PRF1: variants seen among roughly 807,000 people sequenced by gnomAD.
PRF1 encodes the protein perforin 1.
A neutral mutation model predicts 11.7 loss-of-function variants in PRF1; 11 were observed. The observed-to-expected ratio is 0.94, with a 90% confidence interval of 0.59 to 1.56. The LOEUF (loss-of-function observed/expected upper bound fraction) is 1.56. Ranked by LOEUF, PRF1 falls within the 40% of genes most tolerant of loss-of-function variation. The pLI, the probability that PRF1 is intolerant of heterozygous loss-of-function variation, is 0.00. For missense variants in PRF1, 729 were observed against 751.0 expected (o/e 0.97, Z 0.34); for synonymous variants, 314 against 327.8 (o/e 0.96, Z 0.45).
Position 70,600,553 on chromosome 10 carries a change from A to G in PRF1, c.350T>C (p.Val117Ala). ...GATGCTACGAGCCGCATCCCGGGCC[A>G]CAGCTTCAGTGGAGCTGACTTTGGC... is the stretch of plus-strand genomic sequence containing the variant. ...TRAKVSSTEAVARDAARSIRN... is the reference protein window; with the variant it reads ...TRAKVSSTEAAARDAARSIRN... The change falls in exon 2 of 3, where the codon GTG becomes GCG. Residue 117 changes from valine to alanine, a missense_variant. Transcript: ENST00000441259. The surrounding 1 kb of genome is among the most constrained non-coding windows in gnomAD (Gnocchi z 4.9). 6.2e-7 allele frequency: 1 copy of G among 1,614,120 alleles called. No individual in the cohort carries two copies. The highest frequency in any genetic ancestry group is 8.5e-7 in the Non-Finnish European group (1 of 1,180,010).
At position 70,597,980 on chromosome 10, in the gene PRF1, G is replaced by C. The variant is rs1017079363; in HGVS notation, c.*73C>G. 1.3e-6 allele frequency: 2 copies of C among 1,581,282 alleles called. No homozygotes were observed. Among genetic ancestry groups the C allele is most frequent in the Middle Eastern group, 2.1e-4 (1 of 4,814 alleles). ...GACAAGCTTGGTCTAATGGGAATAC[G>C]AAGACAGCCCTGGCTCCCACTGTGA... On this transcript the variant is annotated 3_prime_UTR_variant, in exon 3 of 3. Transcript: ENST00000441259.
rs142643493 is a variant in PRF1 at position 70,598,794 on chromosome 10, G to A, written c.927C>T (p.Thr309=). The change falls in exon 3 of 3, where the codon ACC becomes ACT. Residue 309 remains threonine, a synonymous_variant. Transcript: ENST00000441259. The part of the protein sequence containing the change: ...RHSEVVGGHH[T]SINDLLFGIQ... ...TCCCGAACAGCAGGTCGTTAATGGAGGTGTGATGGCCGCCAACCACTTCCG... is the reference window on the plus strand; with the variant it reads ...TCCCGAACAGCAGGTCGTTAATGGAAGTGTGATGGCCGCCAACCACTTCCG... The A allele has an allele frequency of 1.1e-5, 17 of 1,614,140 alleles. No homozygotes were observed. The highest frequency in any genetic ancestry group is 1.4e-5 in the Non-Finnish European group (16 of 1,180,050).
At position 70,600,235 on chromosome 10, in the gene PRF1, G is replaced by C; in HGVS notation, c.539+129C>G. The C allele has an allele frequency of 6.7e-7, 1 of 1,490,540 alleles. No homozygotes were observed. The highest frequency in any genetic ancestry group is 8.9e-7 in the Non-Finnish European group (1 of 1,117,532). 92.3% of individuals were successfully genotyped at this position (1,490,540 alleles called of 1,614,324 possible). A position where few individuals can be genotyped will look rare whatever the true frequency, so the allele number is the denominator to read the frequency against. ...GAATCACCTGAAGTCTGAGAGCCAG[G>C]ATTGCAGTTTCTTCCTGGTGGAAGC... On this transcript the variant is annotated intron_variant, in intron 2 of 2. Coordinates refer to ENST00000441259, the MANE Select transcript of PRF1 (RefSeq NM_001083116.3). This position sits in a 1 kb window ranked among gnomAD's most constrained non-coding sequence, Gnocchi z 4.9.
chr10:70,599,244 C>G (rs1191698644), intron 2 of PRF1, 63 bp from the exon 3 acceptor site: 2 of 1,589,152 alleles, frequency 1.3e-6, no homozygotes, highest in East Asian at 2.3e-5. Context: ...AATCAAATAA[C>G]TCCTTCAGGA....
Position 70,598,199 on chromosome 10 carries a change from C to T in PRF1, c.1522G>A (p.Val508Met). 1 of 1,614,218 alleles carries T rather than the reference C, an allele frequency of 6.2e-7. No homozygotes were observed. Among genetic ancestry groups the T allele is most frequent in the Non-Finnish European group, 8.5e-7 (1 of 1,180,048 alleles). Reference protein sequence around the residue: ...DQAPKSGSHEVRCNLNHGHLK... With the variant: ...DQAPKSGSHEMRCNLNHGHLK... ...TGGCCATGATTCAGGTTGCATCTCA[C>T]CTCATGGGAACCAGACTTGGGAGCC... The change falls in exon 3 of 3, where the codon GTG becomes ATG. Residue 508 changes from valine (V) to methionine (M), a missense_variant. Physicochemically the swap from Val to Met is conservative, Grantham distance 21. Transcript: ENST00000441259.
In PRF1 at chr10:70,598,091, C is replaced by T; in HGVS notation, c.1630G>A (p.Gly544Arg). Residue 544 changes from glycine to arginine, a missense_variant, in exon 3 of 3, where the codon GGG becomes AGG. Coordinates refer to ENST00000441259, the MANE Select transcript of PRF1 (RefSeq NM_001083116.3). ...CCACTCCGGTTTCCTGGAGGCTCCC[C>T]CAGAAGCATTTGGGGGACATAGTCC... Reference protein sequence around the residue: ...CLDYVPQMLLGEPPGNRSGAV... With the variant: ...CLDYVPQMLLREPPGNRSGAV... The T allele has an allele frequency of 1.2e-6, 2 of 1,614,012 alleles. No homozygotes were observed. The highest frequency in any genetic ancestry group is 1.7e-6 in the Non-Finnish European group (2 of 1,180,024).
intron 2 of PRF1, among the ~76,000 whole-genome samples, chr10:70,599,741 G>A (rs1030594357): frequency 1.3e-4 from 20 of 152,298 alleles, no homozygotes; most frequent in Admixed American, 2.0e-4. Flanking sequence ...GGCCATGCTC[G>A]GCCTCTCTGT....
At chr10:70,601,835 A>AC in intron 1 of PRF1, among the ~76,000 whole-genome samples, 2 of 150,266 alleles carry the variant, frequency 1.3e-5, no homozygotes, top group South Asian at 2.1e-4. Context: ...CCTCAAAAAA[A>AC]AAAAAAAAAA....
At chr10:70,599,734 C>A (rs965117772) in intron 2 of PRF1, among the ~76,000 whole-genome samples, 2 of 152,230 alleles carry the variant, frequency 1.3e-5, no homozygotes, top group African/African-American at 2.4e-5. Flanking sequence ...CAGCTTGGGC[C>A]ATGCTCGGCC....
rs755693770 is a variant in PRF1 at position 70,598,269 on chromosome 10, AT to A, written c.1451del (p.Asp484ValfsTer25). 8 of 1,614,202 alleles carry A rather than the reference AT, an allele frequency of 5.0e-6. No individual in the cohort carries two copies. The highest frequency in any genetic ancestry group is 6.8e-6 in the Non-Finnish European group (8 of 1,180,032). Reference sequence around the variant, plus strand: ...GGTCATCGTCCCTGCCAGAGTCCTGATCCCAGACCTGCAACCTCAGGGGCCC... The same window carrying A: ...GGTCATCGTCCCTGCCAGAGTCCTGACCCAGACCTGCAACCTCAGGGGCCC... ...TGGPLRLQVW[D>X]QDSGRDDDLL... On this transcript the variant is annotated frameshift_variant, in exon 3 of 3. Coordinates refer to ENST00000441259, the MANE Select transcript of PRF1 (RefSeq NM_001083116.3). LOFTEE classifies it low-confidence loss of function (END_TRUNC).
intron 2 of PRF1, among the ~76,000 whole-genome samples, chr10:70,599,515 C>T (rs924197426): frequency 7.2e-5 from 11 of 152,012 alleles, no homozygotes; most frequent in South Asian, 2.1e-4. Flanking sequence ...TTTGGGAGGC[C>T]GAGGCGGGAG....
rs1361143808 is a variant in PRF1 at position 70,598,633 on chromosome 10, G to A, written c.1088C>T (p.Ala363Val). The part of the protein sequence containing the change: ...QDPRREALRR[A>V]LSQYLTDRAR... ...CCTGTCCGTCAGGTACTGACTCAGG[G>A]CCCTCCTCAGTGCCTCCCGCCGCGG... is the stretch of plus-strand genomic sequence containing the variant. The change falls in exon 3 of 3, where the codon GCC (alanine) becomes GTC (valine). Residue 363 changes from alanine (A) to valine (V), a missense_variant. Physicochemically the swap from Ala to Val is moderately conservative, Grantham distance 64. Transcript: ENST00000441259. 6.2e-7 allele frequency: 1 copy of A among 1,613,078 alleles called. No individual in the cohort carries two copies. The highest frequency in any genetic ancestry group is 1.3e-5 in the African/African-American group (1 of 74,928).
rs758932748 is a variant in PRF1, at chr10:70,598,656, C to T, written c.1065G>A (p.Pro355=). The change falls in exon 3 of 3, where the codon CCG becomes CCA. Residue 355 remains proline (P), a synonymous_variant. Transcript: ENST00000441259. ...GGGCCCTCCTCAGTGCCTCCCGCCG[C>T]GGGTCCTGGCTGTCCAGCAGCACGT... The part of the protein sequence containing the change: ...PLHVLLDSQD[P]RREALRRALS... 31 of 1,613,666 alleles carry T rather than the reference C, an allele frequency of 1.9e-5. 1 individual carries two copies. Among genetic ancestry groups the T allele is most frequent in the African/African-American group, 5.3e-5 (4 of 74,928 alleles).
rs1848171418 is a variant in PRF1, at chr10:70,598,723, G to A, written c.998C>T (p.Pro333Leu). ...EQYSAWVNSL[P>L]GSPGLVDYTL... ...GTAGTCCACCAGGCCAGGGCTGCCGGGCAGCGAGTTTACCCAGGCTGAGTA... is the reference window on the plus strand; with the variant it reads ...GTAGTCCACCAGGCCAGGGCTGCCGAGCAGCGAGTTTACCCAGGCTGAGTA... Residue 333 changes from proline (P) to leucine (L), a missense_variant, in exon 3 of 3, where the codon CCC (proline) becomes CTC (leucine). Transcript: ENST00000441259. The A allele has an allele frequency of 6.2e-7, 1 of 1,614,202 alleles. No homozygotes were observed. Among genetic ancestry groups the A allele is most frequent in the Non-Finnish European group, 8.5e-7 (1 of 1,180,038 alleles).
At position 70,598,308 on chromosome 10, in the gene PRF1, G is replaced by C. The variant is rs1163072439; in HGVS notation, c.1413C>G (p.Leu471=). The C allele has an allele frequency of 2.9e-5, 47 of 1,614,192 alleles. No homozygotes were observed. The highest frequency in any genetic ancestry group is 4.0e-5 in the Non-Finnish European group (47 of 1,180,032). The change falls in exon 3 of 3, where the codon CTC becomes CTG. Residue 471 remains leucine (L), a synonymous_variant. Coordinates refer to ENST00000441259, the MANE Select transcript of PRF1 (RefSeq NM_001083116.3). ...ACCTCAGGGGCCCCCCTGTGGCCAG[G>C]AGCACATCCCCAAAATCCAGCCGCA... The part of the protein sequence containing the change: ...WSVRLDFGDV[L]LATGGPLRLQ...
Position 70,598,492 on chromosome 10 carries a change from C to G in PRF1, c.1229G>C (p.Arg410Pro), listed in dbSNP as rs150558419. 1.9e-5 allele frequency: 31 copies of G among 1,613,394 alleles called. No individual in the cohort carries two copies. Among genetic ancestry groups the G allele is most frequent in the Non-Finnish European group, 2.5e-5 (30 of 1,179,998 alleles). Residue 410 changes from arginine (R) to proline (P), a missense_variant, in exon 3 of 3, where the codon CGG (arginine) becomes CCG (proline). Transcript: ENST00000441259. ...CTCCAGCTGGGCCAGGCCCCTCTGC[C>G]GAGGGCAGCAGTCCTGGGTGGTGAC... ...SAVTTQDCCPRQRGLAQLEVT... is the reference protein window; with the variant it reads ...SAVTTQDCCPPQRGLAQLEVT...
chr10:70,599,498 C>T (rs1199863367), intron 2 of PRF1, among the ~76,000 whole-genome samples: 2 of 152,074 alleles, frequency 1.3e-5, no homozygotes, highest in African/African-American at 4.8e-5. Flanking sequence ...GCCTGTAACC[C>T]CAGCACTTTG....
intron 1 of PRF1, among the ~76,000 whole-genome samples, chr10:70,601,743 C>T (rs567463858): frequency 1.4e-5 from 2 of 145,914 alleles, no homozygotes; most frequent in South Asian, 2.2e-4. Context: ...ACAGGAGAAT[C>T]GCTTGAACCC....
In PRF1 at chr10:70,599,168, G is replaced by A; in HGVS notation, c.553C>T (p.His185Tyr). ...AAGTCAGGGTGCAGCGGGGGAGTGT[G>A]TACCACATGGAAACTGCGAGAAGAG... The part of the protein sequence containing the change: ...ECRFYSFHVV[H>Y]TPPLHPDFKR... The change falls in exon 3 of 3, where the codon CAC becomes TAC. Residue 185 changes from histidine (H) to tyrosine (Y), a missense_variant. Transcript: ENST00000441259. 6.2e-7 allele frequency: 1 copy of A among 1,614,174 alleles called. No individual in the cohort carries two copies. Among genetic ancestry groups the A allele is most frequent in the Non-Finnish European group, 8.5e-7 (1 of 1,180,030 alleles).
Sources: gnomAD v4.1 joint callset for allele counts (sites outside exome capture counted in the v4.1 genomes callset) on GRCh38, gnomAD v4.1.1 for gene constraint, Gnocchi (gnomAD v3.1) non-coding constraint, MANE v1.5 for transcripts, NCBI Gene and HGNC (gene_info 2026-07-23, HGNC 2026-07-21) for gene names.